HSD17B3: variants seen among roughly 807,000 people sequenced by gnomAD.
The protein encoded by HSD17B3 is 17-beta-hydroxysteroid dehydrogenase type 3.
HSD17B3 carries 29 observed loss-of-function variants against 41.1 expected under a neutral mutation model. The observed-to-expected ratio is 0.71, with a 90% CI of 0.53 to 0.96. The LOEUF is 0.96. HSD17B3 is among the 40% of genes least tolerant of loss of function. The probability of loss-of-function intolerance (pLI) is 0.00; values close to 1 mark genes in which losing one functional copy is unlikely to be tolerated. For missense variants in HSD17B3, 323 were observed against 374.6 expected (o/e 0.86, Z 1.14); for synonymous variants, 126 against 145.6 (o/e 0.87, Z 0.97).
intron 2 of HSD17B3, among the ~76,000 whole-genome samples, chr9:96,287,310 T>C (rs1187879122): frequency 6.6e-6 from 1 of 152,134 alleles, no homozygotes; most frequent in Non-Finnish European, 1.5e-5. Flanking sequence ...GGCAGGCAGG[T>C]GAGACCGAAC....
At chr9:96,239,022 G>T (rs1344196024) in intron 10 of HSD17B3, among the ~76,000 whole-genome samples, 1 of 152,236 alleles carries the variant, frequency 6.6e-6, no homozygotes. Flanking sequence ...GATGGACCTT[G>T]GGCCTGTAGC....
chr9:96,247,666 T>C (rs1416878378), intron 6 of HSD17B3, among the ~76,000 whole-genome samples: 1 of 152,180 alleles, frequency 6.6e-6, no homozygotes, highest in Non-Finnish European at 1.5e-5. Flanking sequence ...TTCATAGGGA[T>C]ATTATATGAG....
chr9:96,247,077 C>A, intron 6 of HSD17B3: 1 of 229,890 alleles, frequency 4.3e-6, no homozygotes, highest in Non-Finnish European at 8.7e-6. Flanking sequence ...GAAATAGCTC[C>A]GTGGACACAG....
intron 2 of HSD17B3, among the ~76,000 whole-genome samples, chr9:96,255,578 C>T (rs1825619237): frequency 6.6e-6 from 1 of 151,564 alleles, no homozygotes; most frequent in Non-Finnish European, 1.5e-5. Flanking sequence ...TTAGTGGAGA[C>T]AGGGTTTCCC....
intron 7 of HSD17B3, 118 bp from the exon 8 acceptor site, chr9:96,245,544 A>T: frequency 1.3e-6 from 1 of 751,612 alleles, no homozygotes; most frequent in Non-Finnish European, 2.4e-6. Flanking sequence ...AGGCTTCCGC[A>T]AGTGCTAGGG....
chr9:96,292,188 C>G (rs1012328025), intron 2 of HSD17B3, among the ~76,000 whole-genome samples: 2 of 151,646 alleles, frequency 1.3e-5, no homozygotes, highest in Non-Finnish European at 1.5e-5. Context: ...AAGCAATTAC[C>G]CAATATAAGC....
intron 9 of HSD17B3, among the ~76,000 whole-genome samples, chr9:96,243,874 C>T (rs1024893410): frequency 2.6e-5 from 4 of 152,202 alleles, no homozygotes; most frequent in Admixed American, 2.6e-4. Flanking sequence ...GTCCCCTCCC[C>T]TGGTGACTAG....
At chr9:96,249,643 C>T (rs1013272106) in intron 6 of HSD17B3, 108 bp downstream of exon 6, 5 of 991,114 alleles carry the variant, frequency 5.0e-6, no homozygotes, top group Admixed American at 3.5e-5. Flanking sequence ...AAGTGTGGTT[C>T]GATTTCAAAG....
chr9:96,300,790 C>G (rs1394113293), intron 1 of HSD17B3, among the ~76,000 whole-genome samples: 5 of 152,150 alleles, frequency 3.3e-5, no homozygotes, highest in Admixed American at 3.3e-4. Flanking sequence ...CATGGGGAGG[C>G]AGCATTAATT....
chr9:96,301,850 C>T (rs1477487875), intron 1 of HSD17B3, 101 bp downstream of exon 1: 3 of 1,344,658 alleles, frequency 2.2e-6, no homozygotes, highest in Non-Finnish European at 3.2e-6. Flanking sequence ...CATTGCACTC[C>T]AGCCTGGGTG....
intron 3 of HSD17B3, among the ~76,000 whole-genome samples, chr9:96,253,544 G>A (rs1358079217): frequency 6.6e-6 from 1 of 152,184 alleles, no homozygotes; most frequent in Non-Finnish European, 1.5e-5. Context: ...AGAAAATGAA[G>A]GCTCAGAGAA....
chr9:96,286,520 C>T (rs931574113), intron 2 of HSD17B3, among the ~76,000 whole-genome samples: 1 of 151,910 alleles, frequency 6.6e-6, no homozygotes, highest in Non-Finnish European at 1.5e-5. Context: ...GAAACCCCAT[C>T]TCTACTAAAA....
At chr9:96,280,550 G>C (rs1826652474) in intron 2 of HSD17B3, among the ~76,000 whole-genome samples, 1 of 152,154 alleles carries the variant, frequency 6.6e-6, no homozygotes, top group Non-Finnish European at 1.5e-5. Flanking sequence ...TTTGGAGAGA[G>C]TTTAATATGA....
intron 2 of HSD17B3, among the ~76,000 whole-genome samples, chr9:96,256,800 C>CA (rs758416416): frequency 0.014 from 1,923 of 135,846 alleles, 14 homozygotes; most frequent in Non-Finnish European, 0.02. Context: ...AAGGAGAGGT[C>CA]AAAAAAAAAA....
intron 2 of HSD17B3, among the ~76,000 whole-genome samples, chr9:96,267,892 C>A (rs1395301460): frequency 6.6e-6 from 1 of 152,008 alleles, no homozygotes; most frequent in East Asian, 1.9e-4. Flanking sequence ...TGTGCCCCCA[C>A]AGCCTTCCCC....
At chr9:96,262,189 A>G (rs1197277192) in intron 2 of HSD17B3, among the ~76,000 whole-genome samples, 2 of 148,314 alleles carry the variant, frequency 1.3e-5, no homozygotes, top group Non-Finnish European at 3.0e-5. Flanking sequence ...TCTGAAAAAG[A>G]CATGCTAGTT....
chr9:96,252,310 C>G (rs557462524), intron 4 of HSD17B3, among the ~76,000 whole-genome samples: 2 of 151,988 alleles, frequency 1.3e-5, no homozygotes, highest in Non-Finnish European at 2.9e-5. Context: ...TTTGGGAGGC[C>G]GAGGCAGGTG....
chr9:96,300,183 C>T (rs189781216), intron 1 of HSD17B3, among the ~76,000 whole-genome samples: 251 of 147,216 alleles, frequency 1.7e-3, no homozygotes, highest in African/African-American at 5.9e-3. Context: ...AGCAAGTTCA[C>T]TCCTGACAGC....
intron 2 of HSD17B3, among the ~76,000 whole-genome samples, chr9:96,259,835 C>T (rs1825799025): frequency 6.6e-6 from 1 of 152,080 alleles, no homozygotes; most frequent in Non-Finnish European, 1.5e-5. Flanking sequence ...GAGCTCTTTA[C>T]GCAGCCACCT....
Sources: gnomAD v4.1 joint callset for allele counts (sites outside exome capture counted in the v4.1 genomes callset) on GRCh38, gnomAD v4.1.1 for gene constraint, MANE v1.5 for transcripts, NCBI Gene and HGNC (gene_info 2026-07-23, HGNC 2026-07-21) for gene names.